Variants in HS3ST4 observed in about 807,000 individuals in gnomAD.
HS3ST4 encodes the protein heparan sulfate-glucosamine 3-sulfotransferase 4.
Under a neutral mutation model 29.2 loss-of-function variants are expected in HS3ST4, and 17 were observed. The ratio of observed to expected loss-of-function variants is 0.58; its 90% CI spans 0.40 to 0.87. The LOEUF (loss-of-function observed/expected upper bound fraction) is 0.87, where lower values mean the gene tolerates loss of function less well. HS3ST4 is among the 40% of genes least tolerant of loss of function. The pLI, the probability that HS3ST4 is intolerant of heterozygous loss-of-function variation, is 0.00. For missense variants in HS3ST4, 627 were observed against 634.5 expected, an observed-to-expected ratio of 0.99 and a Z score of 0.13; for synonymous variants, 314 against 285.7, an observed-to-expected ratio of 1.10 and a Z score of -1.00.
chr16:25,735,956 A>C (rs900357169), intron 1 of HS3ST4, among the ~76,000 whole-genome samples: 1 of 152,180 alleles, frequency 6.6e-6, no homozygotes, highest in African/African-American at 2.4e-5. Flanking sequence ...CAGAAGAAAA[A>C]AGATATGCAG....
chr16:25,828,246 T>TTTTCTG (rs1567249325), intron 1 of HS3ST4, among the ~76,000 whole-genome samples: 55 of 55,940 alleles, frequency 9.8e-4, no homozygotes, highest in African/African-American at 3.6e-3. Flanking sequence ...TTCTTTCTCT[T>TTTTCTG]TCTTTCTTTC....
chr16:26,108,052 A>G (rs1319036751), intron 1 of HS3ST4, among the ~76,000 whole-genome samples: 1 of 152,038 alleles, frequency 6.6e-6, no homozygotes, highest in Non-Finnish European at 1.5e-5. Context: ...GGTTGTGCTA[A>G]TTTACATTCA....
chr16:25,797,589 T>G (rs1966893909), intron 1 of HS3ST4, among the ~76,000 whole-genome samples: 1 of 152,200 alleles, frequency 6.6e-6, no homozygotes, highest in Admixed American at 6.5e-5. Context: ...TATTAATACC[T>G]CTTGACCATT....
At chr16:25,939,584 C>T (rs1286265309) in intron 1 of HS3ST4, among the ~76,000 whole-genome samples, 1 of 152,078 alleles carries the variant, frequency 6.6e-6, no homozygotes, top group Non-Finnish European at 1.5e-5. Context: ...GATGATCCGC[C>T]CACCTCAGTC....
intron 1 of HS3ST4, among the ~76,000 whole-genome samples, chr16:26,067,531 C>T (rs1898556569): frequency 6.6e-6 from 1 of 152,036 alleles, no homozygotes; most frequent in South Asian, 2.1e-4. Flanking sequence ...CCTGTGCCAC[C>T]TCACTGATTC....
intron 1 of HS3ST4, among the ~76,000 whole-genome samples, chr16:26,036,243 A>G (rs1969582311): frequency 6.6e-6 from 1 of 152,234 alleles, no homozygotes; most frequent in Non-Finnish European, 1.5e-5. Flanking sequence ...GGCACTCAAT[A>G]TACACACTGC....
chr16:26,055,394 A>C (rs1212727485), intron 1 of HS3ST4, among the ~76,000 whole-genome samples: 1 of 152,144 alleles, frequency 6.6e-6, no homozygotes, highest in East Asian at 1.9e-4. Context: ...AATGATGATA[A>C]TTAGGAAGAT....
chr16:25,978,473 G>A (rs376556501), intron 1 of HS3ST4, among the ~76,000 whole-genome samples: 3 of 152,256 alleles, frequency 2.0e-5, no homozygotes, highest in African/African-American at 7.2e-5. Flanking sequence ...AAAGACAGAT[G>A]GTGACTGGAT....
chr16:25,991,593 G>A (rs1187751642), intron 1 of HS3ST4, among the ~76,000 whole-genome samples: 1 of 152,218 alleles, frequency 6.6e-6, no homozygotes, highest in African/African-American at 2.4e-5. Context: ...GGTGAATGAA[G>A]TAGAAGGGAA....
At chr16:26,048,982 C>T (rs1305759843) in intron 1 of HS3ST4, among the ~76,000 whole-genome samples, 5 of 152,028 alleles carry the variant, frequency 3.3e-5, no homozygotes, top group Non-Finnish European at 7.4e-5. Flanking sequence ...TGAGAAAAAA[C>T]GGAGATAAGA....
At position 25,761,373 on chromosome 16, in the gene HS3ST4, G is replaced by A. The variant is rs1044815826; in HGVS notation, c.734+68222G>A. ...TGAGTCCTTGAAATGTGTTTAGTGT[G>A]ACTGAGAGTTGACTTTTACTTTTAC... On this transcript the variant is annotated intron_variant, in intron 1 of 1. Coordinates refer to ENST00000331351, the MANE Select transcript of HS3ST4 (RefSeq NM_006040.3). Among the ~76,000 whole-genome samples, 5 of 152,280 alleles carry A rather than the reference G, an allele frequency of 3.3e-5. No homozygotes were observed. The South Asian group carries it at 1.0e-3, about 32-fold the overall frequency.
intron 1 of HS3ST4, among the ~76,000 whole-genome samples, chr16:25,856,990 G>A (rs1054057745): frequency 1.6e-4 from 25 of 152,132 alleles, no homozygotes; most frequent in Admixed American, 1.5e-3. Flanking sequence ...GCCAGCATCC[G>A]AAGTAGGACA....
At chr16:25,720,361 G>T (rs1005161056) in intron 1 of HS3ST4, among the ~76,000 whole-genome samples, 3 of 152,174 alleles carry the variant, frequency 2.0e-5, no homozygotes, top group African/African-American at 7.2e-5. Flanking sequence ...TAAGATGGGA[G>T]CCCTGGTGGG....
chr16:25,786,497 A>T (rs1415158374), intron 1 of HS3ST4, among the ~76,000 whole-genome samples: 3 of 152,194 alleles, frequency 2.0e-5, no homozygotes, highest in African/African-American at 7.2e-5. Context: ...CACTATTGTT[A>T]TTATTCTAAA....
chr16:25,728,835 C>T (rs574115227), intron 1 of HS3ST4, among the ~76,000 whole-genome samples: 4 of 152,288 alleles, frequency 2.6e-5, no homozygotes, highest in African/African-American at 7.2e-5. Flanking sequence ...ATAATCCCGA[C>T]ACTTTGGGAG....
At chr16:25,839,309 G>C (rs946651588) in intron 1 of HS3ST4, among the ~76,000 whole-genome samples, 3 of 152,158 alleles carry the variant, frequency 2.0e-5, no homozygotes, top group Non-Finnish European at 4.4e-5. Flanking sequence ...ATCTCACAAA[G>C]GAAGACTTGG....
At chr16:25,762,932 C>T (rs1966798025) in intron 1 of HS3ST4, among the ~76,000 whole-genome samples, 2 of 149,840 alleles carry the variant, frequency 1.3e-5, no homozygotes, top group East Asian at 2.0e-4. Context: ...ACCAGAAGGG[C>T]CAGGTGCCCA....
chr16:25,752,897 CTT>C (rs1426272451), intron 1 of HS3ST4, among the ~76,000 whole-genome samples: 1 of 152,182 alleles, frequency 6.6e-6, no homozygotes, highest in Admixed American at 6.5e-5. Flanking sequence ...TAATTGTTTG[CTT>C]CTGGAAACAA....
chr16:26,135,749 T>C lies in HS3ST4; in HGVS notation c.872T>C (p.Val291Ala), dbSNP rs1227471626. ...CTGATTGTGGTGGTGAGAAACCCCG[T>C]GACCAGGGCCATCTCTGACTACACG... ...IKLIVVVRNP[V>A]TRAISDYTQT... is the part of the protein sequence containing the mutation. Residue 291 changes from valine to alanine, a missense_variant, in exon 2 of 2, where the codon GTG becomes GCG. By Grantham distance (64) the Val-to-Ala change is moderately conservative. This residue lies in a region of HS3ST4 where 225 missense variants were observed against 293.7 expected (regional missense o/e 0.77). Transcript: ENST00000331351. 1 of 1,613,990 alleles carries C rather than the reference T, an allele frequency of 6.2e-7. No individual in the cohort carries two copies. Among genetic ancestry groups the C allele is most frequent in the African/African-American group, 1.3e-5 (1 of 74,908 alleles).
Sources: gnomAD v4.1 joint callset for allele counts (sites outside exome capture counted in the v4.1 genomes callset) on GRCh38, gnomAD v4.1.1 for gene constraint, gnomAD v4.1.1 regional missense constraint, MANE v1.5 for transcripts, NCBI Gene and HGNC (gene_info 2026-07-23, HGNC 2026-07-21) for gene names.